PSIP1: variants seen among roughly 807,000 people sequenced by gnomAD.
The protein encoded by PSIP1 is PC4 and SFRS1-interacting protein.
PSIP1 carries 19 observed loss-of-function variants against 74.7 expected under a neutral mutation model. The ratio of observed to expected loss-of-function variants is 0.25; its 90% CI spans 0.18 to 0.37. The LOEUF (loss-of-function observed/expected upper bound fraction) is 0.37, where lower values mean the gene tolerates loss of function less well. PSIP1 is among the 10% of genes least tolerant of loss of function. PSIP1 has a pLI of 1.00. For missense variants in PSIP1, 601 were observed against 614.3 expected, an observed-to-expected ratio of 0.98 and a Z score of 0.23; for synonymous variants, 222 against 195.3, an observed-to-expected ratio of 1.14 and a Z score of -1.14.
chr9:15,500,876 G>A (rs373899304), intron 3 of PSIP1, among the ~76,000 whole-genome samples: 1 of 152,162 alleles, frequency 6.6e-6, no homozygotes, highest in African/African-American at 2.4e-5. Flanking sequence ...AAGGTAATTA[G>A]TCACCAAAAC....
At chr9:15,472,815 T>A in intron 9 of PSIP1, 65 bp from the exon 10 acceptor site, 1 of 1,415,212 alleles carries the variant, frequency 7.1e-7, no homozygotes, top group African/African-American at 1.5e-5. Context: ...TATGGAATTA[T>A]AATCTTGGGG....
At chr9:15,509,455 A>T (rs1351416971) in intron 2 of PSIP1, among the ~76,000 whole-genome samples, 1 of 152,232 alleles carries the variant, frequency 6.6e-6, no homozygotes, top group Non-Finnish European at 1.5e-5. Flanking sequence ...GAACTGAGGA[A>T]TCTGGTCCAC....
intron 3 of PSIP1, among the ~76,000 whole-genome samples, chr9:15,494,344 TC>T (rs2036973414): frequency 6.6e-6 from 1 of 152,068 alleles, no homozygotes; most frequent in Non-Finnish European, 1.5e-5. Context: ...GCAGGGCAGA[TC>T]ACCTGAGGTC....
chr9:15,486,169 T>TG, intron 5 of PSIP1, 101 bp from the exon 6 acceptor site: 1 of 949,872 alleles, frequency 1.1e-6, no homozygotes, highest in Non-Finnish European at 1.6e-6. Flanking sequence ...CTGAAAGCAT[T>TG]GGGGAAATCT....
chr9:15,483,189 C>A (rs1162795364), intron 6 of PSIP1, among the ~76,000 whole-genome samples: 1 of 152,174 alleles, frequency 6.6e-6, no homozygotes, highest in Non-Finnish European at 1.5e-5. Context: ...TCTTCTCCCT[C>A]TTTGGTGCCA....
At chr9:15,472,331 CA>C in intron 10 of PSIP1, 2 of 1,134,466 alleles carry the variant, frequency 1.8e-6, no homozygotes, top group Non-Finnish European at 2.2e-6. Flanking sequence ...TTATATTATA[CA>C]AACAAATGGT....
chr9:15,505,887 C>T (rs1298265759), intron 3 of PSIP1: 1 of 152,150 alleles, frequency 6.6e-6, no homozygotes, highest in East Asian at 1.9e-4. Flanking sequence ...AACAAGACTA[C>T]CAAAATTATG....
intron 2 of PSIP1, among the ~76,000 whole-genome samples, chr9:15,509,094 T>C (rs988543429): frequency 1.3e-5 from 2 of 152,260 alleles, no homozygotes; most frequent in African/African-American, 4.8e-5. Flanking sequence ...CTCCGTTATC[T>C]AATGGGTGTT....
chr9:15,485,607 TAAC>T (rs139294153), intron 6 of PSIP1, among the ~76,000 whole-genome samples: 2,144 of 152,240 alleles, frequency 0.014, 41 homozygotes, highest in African/African-American at 0.049. Context: ...CAACGTGAAG[TAAC>T]AACAACAACA....
Position 15,466,836 on chromosome 9 carries a change from A to ATCC in PSIP1, c.1441_1443dup (p.Gly481dup). The ATCC allele has an allele frequency of 6.2e-7, 1 of 1,613,158 alleles. No individual in the cohort carries two copies. The highest frequency in any genetic ancestry group is 8.5e-7 in the Non-Finnish European group (1 of 1,179,674). The stretch of plus-strand genomic sequence containing the variant: ...GGCTGATTACCATCTTGAGCATCAG[A>ATCC]TCCTCCATTTAGAGTCTTTGACCCT... On this transcript the variant is annotated inframe_insertion, in exon 15 of 16. Coordinates refer to ENST00000380733, the MANE Select transcript of PSIP1 (RefSeq NM_033222.5).
In PSIP1 at chr9:15,469,391, C is replaced by CTA. The variant is rs113407830; in HGVS notation, c.1034-57_1034-56dup. Reference sequence around the variant, plus strand: ...AACAGTTTTTCCAAAACCAGTATTTCTATATACAGGCTAAGTATAATGAAT... The same window carrying CTA: ...AACAGTTTTTCCAAAACCAGTATTTCTATATATACAGGCTAAGTATAATGAAT... On this transcript the variant is annotated intron_variant, in intron 11 of 15. Transcript: ENST00000380733. The CTA allele has an allele frequency of 8.3e-3, 9,074 of 1,093,884 alleles. 509 individuals carry two copies. In the African/African-American group the frequency reaches 0.12, roughly 15 times the overall value. The allele number at this position is 1,093,884 out of a possible 1,614,324, so 67.8% of individuals were successfully genotyped here. A position where few individuals can be genotyped will look rare whatever the true frequency, so the allele number is the denominator to read the frequency against.
In PSIP1 at chr9:15,488,527, C is replaced by T. The variant is rs111762099; in HGVS notation, c.288+1459G>A. 7.2e-5 allele frequency among the ~76,000 whole-genome samples: 11 copies of T among 152,206 alleles called. 2 individuals are homozygous for T. The highest frequency in any genetic ancestry group is 2.6e-4 in the African/African-American group (11 of 41,548). ...TAGCCCTCTGATCCTATTATAAAGC[C>T]ATCTGTTTATTTTAAATCGTAAGAG... On this transcript the variant is annotated intron_variant, in intron 4 of 15. Transcript: ENST00000380733.
intron 12 of PSIP1, 49 bp from the exon 13 acceptor site, chr9:15,469,107 A>C: frequency 6.5e-7 from 1 of 1,532,868 alleles, no homozygotes. Context: ...CTTAACACTT[A>C]AACAATCTGT....
chr9:15,490,477 G>GT lies in PSIP1; in HGVS notation c.150-354dup, dbSNP rs1019724850. 5.3e-5 allele frequency among the ~76,000 whole-genome samples: 8 copies of GT among 152,146 alleles called. No homozygotes were observed. The East Asian group carries it at 1.2e-3, about 22-fold the overall frequency. ...GCGGGTGGATCACTTGAGGTCAGGA[G>GT]TTTGAGACCAGCCTGGCCAACATGG... On this transcript the variant is annotated intron_variant, in intron 3 of 15. Transcript: ENST00000380733.
At chr9:15,472,478 G>GATC (rs957741311) in intron 10 of PSIP1, 154 bp downstream of exon 10, 26 of 1,402,240 alleles carry the variant, frequency 1.9e-5, no homozygotes, top group Non-Finnish European at 2.3e-5. Context: ...CCTGAAATAA[G>GATC]ATCATCATCA....
rs2035761077 is a variant in PSIP1, at chr9:15,469,976, CCTT to C, written c.992_994del (p.Glu331del). Reference sequence around the variant, plus strand: ...CACTTTCTTAACTTCTGGCTTCTTTCCTTCATCTTTATTCTGCCTATCAAATGT... The same window carrying C: ...CACTTTCTTAACTTCTGGCTTCTTTCCATCTTTATTCTGCCTATCAAATGT... On this transcript the variant is annotated inframe_deletion, in exon 11 of 16. Coordinates refer to ENST00000380733, the MANE Select transcript of PSIP1 (RefSeq NM_033222.5). The C allele has an allele frequency of 6.2e-7, 1 of 1,607,476 alleles. No homozygotes were observed. Among genetic ancestry groups the C allele is most frequent in the Admixed American group, 1.7e-5 (1 of 59,944 alleles).
chr9:15,471,373 T>A (rs2035820420), intron 10 of PSIP1: 2 of 1,545,672 alleles, frequency 1.3e-6, no homozygotes, highest in South Asian at 2.3e-5. Context: ...TATTAGAATT[T>A]GAGAAAGTTA....
intron 6 of PSIP1, among the ~76,000 whole-genome samples, chr9:15,485,421 T>G (rs2036518442): frequency 6.6e-6 from 1 of 152,186 alleles, no homozygotes; most frequent in African/African-American, 2.4e-5. Context: ...GTTTACCTCC[T>G]CATGAGATAC....
intron 6 of PSIP1, among the ~76,000 whole-genome samples, chr9:15,481,475 A>T (rs2036332824): frequency 6.6e-6 from 1 of 152,192 alleles, no homozygotes; most frequent in Admixed American, 6.5e-5. Flanking sequence ...GGGCTAGCAG[A>T]TCACGAGGTC....
Sources: gnomAD v4.1 joint callset for allele counts (sites outside exome capture counted in the v4.1 genomes callset) on GRCh38, gnomAD v4.1.1 for gene constraint, MANE v1.5 for transcripts, NCBI Gene and HGNC (gene_info 2026-07-23, HGNC 2026-07-21) for gene names.